Variants in NPEPPS observed in about 807,000 individuals in gnomAD.
The protein encoded by NPEPPS is aminopeptidase puromycin sensitive, also known as puromycin-sensitive aminopeptidase.
A neutral mutation model predicts 115.5 loss-of-function variants in NPEPPS; 14 were observed. The ratio of observed to expected loss-of-function variants is 0.12; its 90% CI spans 0.08 to 0.19. NPEPPS has a LOEUF of 0.19. Ranked by LOEUF, NPEPPS falls within the 10% of genes least tolerant of loss-of-function variation. NPEPPS has a pLI of 1.00. For synonymous variants in NPEPPS, 285 were observed against 390.6 expected (o/e 0.73, Z 3.19); for missense variants, 523 against 1,110.8 (o/e 0.47, Z 7.52).
chr17:47,600,882 G>A lies in NPEPPS; in HGVS notation c.1601-726G>A, dbSNP rs554103949. On this transcript the variant is annotated intron_variant, in intron 14 of 22. Coordinates refer to ENST00000322157, the MANE Select transcript of NPEPPS (RefSeq NM_006310.4). Reference sequence around the variant, plus strand: ...TAAAAATTAACCCTTCGATATTTCAGCAGTGTGTATACCTGTTAAGGACTG... The same window carrying A: ...TAAAAATTAACCCTTCGATATTTCAACAGTGTGTATACCTGTTAAGGACTG... Among the ~76,000 whole-genome samples the A allele has an allele frequency of 2.8e-4, 42 of 152,190 alleles. No individual in the cohort carries two copies. In the South Asian group the frequency reaches 6.8e-3, roughly 25 times the overall value.
At chr17:47,584,392 A>G (rs1486388915) in intron 5 of NPEPPS, among the ~76,000 whole-genome samples, 4 of 152,158 alleles carry the variant, frequency 2.6e-5, no homozygotes, top group Non-Finnish European at 4.4e-5. Flanking sequence ...TCATTCATGA[A>G]CAGGGTAAGC....
At chr17:47,526,715 C>T (rs1374398194), upstream of NPEPPS, among the ~76,000 whole-genome samples, 1 of 151,808 alleles carries the variant, frequency 6.6e-6, no homozygotes, top group Non-Finnish European at 1.5e-5. Context: ...TCCCAGCACT[C>T]TGGGAGGCCG....
At chr17:47,615,207 A>ATACTT (rs1459291343) in intron 19 of NPEPPS, among the ~76,000 whole-genome samples, 6 of 150,822 alleles carry the variant, frequency 4.0e-5, no homozygotes, top group African/African-American at 1.5e-4. Flanking sequence ...CCTCCCAAGT[A>ATACTT]GCTGGGACTA....
chr17:47,596,750 A>AT (rs1912900257), intron 13 of NPEPPS, among the ~76,000 whole-genome samples: 1 of 152,224 alleles, frequency 6.6e-6, no homozygotes, highest in Non-Finnish European at 1.5e-5. Context: ...TTGGTTTAAC[A>AT]TTTTTTAAAA....
chr17:47,577,294 A>G (rs1348285359), intron 3 of NPEPPS: 1 of 366,706 alleles, frequency 2.7e-6, no homozygotes. Flanking sequence ...ACTTAGTGAA[A>G]CAGACTGGGC....
At chr17:47,587,939 T>C (rs1193427556) in intron 9 of NPEPPS, among the ~76,000 whole-genome samples, 1 of 151,566 alleles carries the variant, frequency 6.6e-6, no homozygotes, top group Non-Finnish European at 1.5e-5. Flanking sequence ...TCCTGATTTT[T>C]CACTCTTACT....
chr17:47,574,325 G>A (rs1428035104), intron 3 of NPEPPS, among the ~76,000 whole-genome samples: 2 of 151,806 alleles, frequency 1.3e-5, no homozygotes, highest in Non-Finnish European at 2.9e-5. Flanking sequence ...TATAAACCTA[G>A]CCAGTATAGA....
chr17:47,584,995 T>C (rs1457907062), intron 5 of NPEPPS, among the ~76,000 whole-genome samples: 3 of 151,990 alleles, frequency 2.0e-5, no homozygotes, highest in Admixed American at 6.5e-5. Context: ...GCCTGGCTAA[T>C]GTTTTGTATT....
At position 47,619,799 on chromosome 17, in the gene NPEPPS, G is replaced by A. The variant is rs1380520633; in HGVS notation, c.2607+15G>A. ...GAGAGGTTAAGGTAAGGAAAATACTGTTTACTCTTCACTTTTCAGTCTAGT... is the reference window on the plus strand; with the variant it reads ...GAGAGGTTAAGGTAAGGAAAATACTATTTACTCTTCACTTTTCAGTCTAGT... On this transcript the variant is annotated intron_variant, in intron 22 of 22. Coordinates refer to ENST00000322157, the MANE Select transcript of NPEPPS (RefSeq NM_006310.4). 7 of 1,595,456 alleles carry A rather than the reference G, an allele frequency of 4.4e-6. No homozygotes were observed. In the Admixed American group the frequency reaches 5.0e-5, roughly 11 times the overall value.
intron 1 of NPEPPS, among the ~76,000 whole-genome samples, chr17:47,540,036 G>A (rs1439805763): frequency 6.6e-6 from 1 of 152,132 alleles, no homozygotes. Context: ...ATATGTTCCT[G>A]AGTGACTGTA....
intron 1 of NPEPPS, among the ~76,000 whole-genome samples, chr17:47,535,863 G>A (rs1210427955): frequency 7.5e-6 from 1 of 133,252 alleles, no homozygotes; most frequent in Non-Finnish European, 1.6e-5. Context: ...TTGAGATGGA[G>A]TCTTGCTCTG....
Position 47,622,762 on chromosome 17 carries a change from G to A in NPEPPS, c.*842G>A. The A allele has an allele frequency of 2.4e-6, 1 of 417,226 alleles. No individual in the cohort carries two copies. The highest frequency in any genetic ancestry group is 7.3e-5 in the East Asian group (1 of 13,606). 25.8% of individuals were successfully genotyped at this position (417,226 alleles called of 1,614,324 possible). On this transcript the variant is annotated 3_prime_UTR_variant, in exon 23 of 23. Transcript: ENST00000322157. ...TTATAAGAACCCTGAAATTTATATA[G>A]GTGAGACAATAGAAATAAAAAGATC...
upstream of NPEPPS, among the ~76,000 whole-genome samples, chr17:47,527,093 G>A (rs1173261451): frequency 6.6e-6 from 1 of 152,218 alleles, no homozygotes; most frequent in African/African-American, 2.4e-5. Flanking sequence ...CCTTAGGCAA[G>A]TCCTTGAATT....
Position 47,611,172 on chromosome 17 carries a change from G to A in NPEPPS, c.2096-1288G>A, listed in dbSNP as rs139503350. Among the ~76,000 whole-genome samples the A allele has an allele frequency of 7.1e-3, 1,079 of 151,886 alleles. 8 individuals are homozygous for A. Among genetic ancestry groups the A allele is most frequent in the African/African-American group, 0.021 (886 of 41,498 alleles). On this transcript the variant is annotated intron_variant, in intron 17 of 22. Coordinates refer to ENST00000322157, the MANE Select transcript of NPEPPS (RefSeq NM_006310.4). The stretch of plus-strand genomic sequence containing the variant: ...CGTCCTTTTGTTTTTTTAAGAGACA[G>A]GGTCGGCTGGGTGGCAGTGGCTCAC...
chr17:47,551,978 T>C (rs1438311543), intron 2 of NPEPPS, among the ~76,000 whole-genome samples: 2 of 127,884 alleles, frequency 1.6e-5, no homozygotes, highest in Non-Finnish European at 3.5e-5. Context: ...TTTTTTTTTT[T>C]TTCTTTTTTT....
rs749861075 is a variant in NPEPPS, at chr17:47,590,792, C to T, written c.1171C>T (p.Pro391Ser). The T allele has an allele frequency of 6.2e-7, 1 of 1,607,468 alleles. No homozygotes were observed. The highest frequency in any genetic ancestry group is 1.1e-5 in the South Asian group (1 of 90,554). The change falls in exon 10 of 23, where the codon CCA becomes TCA. Residue 391 changes from proline (P) to serine (S), a missense_variant. Pro to Ser is a moderately conservative substitution (Grantham distance 74). Around this residue, in one of 4 missense-constraint regions of NPEPPS, gnomAD observed 144 missense variants for 512.4 expected, o/e 0.28. Transcript: ENST00000322157. ...ATATCTGTGTGTAGACCACTGCTTC[C>T]CAGAGTATGATATTTGGACTCAGTT... is the stretch of plus-strand genomic sequence containing the variant. Reference protein sequence around the residue: ...IEYLCVDHCFPEYDIWTQFVS... With the variant: ...IEYLCVDHCFSEYDIWTQFVS...
chr17:47,556,742 C>T lies in NPEPPS; in HGVS notation c.340+10749C>T, dbSNP rs533974813. On this transcript the variant is annotated intron_variant, in intron 2 of 22. Coordinates refer to ENST00000322157, the MANE Select transcript of NPEPPS (RefSeq NM_006310.4). ...CGCCTCCCTCCGGGACGGGGCGGCT[C>T]AAGCAATTCTCTTGCCTCTGCCTCC... 8.5e-5 allele frequency among the ~76,000 whole-genome samples: 13 copies of T among 152,326 alleles called. No homozygotes were observed. In the South Asian group the frequency reaches 2.7e-3, roughly 32 times the overall value.
At chr17:47,537,464 T>A (rs2143676835) in intron 1 of NPEPPS, among the ~76,000 whole-genome samples, 1 of 152,062 alleles carries the variant, frequency 6.6e-6, no homozygotes, top group African/African-American at 2.4e-5. Context: ...GAGGCTGAGG[T>A]GGGTGGATCA....
chr17:47,551,026 G>A (rs1230676936), intron 2 of NPEPPS, among the ~76,000 whole-genome samples: 1 of 152,170 alleles, frequency 6.6e-6, no homozygotes, highest in African/African-American at 2.4e-5. Flanking sequence ...ACAGAAGTCA[G>A]TATCAGTTTC....
Sources: allele counts gnomAD v4.1 joint callset (sites outside exome capture counted in the v4.1 genomes callset), GRCh38; gene constraint gnomAD v4.1.1; regional missense constraint gnomAD v4.1.1; transcripts MANE v1.5; gene names NCBI Gene and HGNC (gene_info 2026-07-23, HGNC 2026-07-21).